The following SIPA1L3 variants were observed in gnomAD, a reference collection of about 807,000 sequenced individuals.
SIPA1L3 encodes signal-induced proliferation-associated 1-like protein 3.
A neutral mutation model predicts 150.1 loss-of-function variants in SIPA1L3; 59 were observed. The ratio of observed to expected loss-of-function variants is 0.39; its 90% CI spans 0.32 to 0.49. The LOEUF (loss-of-function observed/expected upper bound fraction) is 0.49. Ranked by LOEUF, SIPA1L3 falls within the 20% of genes least tolerant of loss-of-function variation. The probability of loss-of-function intolerance (pLI) is 0.86; values close to 1 mark genes in which losing one functional copy is unlikely to be tolerated. For missense variants in SIPA1L3, 2,211 were observed against 2,489.5 expected, an observed-to-expected ratio of 0.89 and a Z score of 2.38; for synonymous variants, 1,070 against 1,077.6, an observed-to-expected ratio of 0.99 and a Z score of 0.14.
At chr19:38,181,134 T>C (rs1972546517) in intron 15 of SIPA1L3, among the ~76,000 whole-genome samples, 1 of 152,206 alleles carries the variant, frequency 6.6e-6, no homozygotes, top group African/African-American at 2.4e-5. Flanking sequence ...ATTTCCTCTG[T>C]TCTTCCCTAA....
At chr19:37,915,740 A>C (rs1390552990) in intron 1 of SIPA1L3, among the ~76,000 whole-genome samples, 4 of 152,180 alleles carry the variant, frequency 2.6e-5, no homozygotes, top group Non-Finnish European at 5.9e-5. Flanking sequence ...ACTATAGCCC[A>C]TCAACTAAGA....
At position 38,081,778 on chromosome 19, in the gene SIPA1L3, T is replaced by G. The variant is rs746533364; in HGVS notation, c.213T>G (p.Thr71=). The change falls in exon 3 of 22, where the codon ACT becomes ACG. Residue 71 remains threonine (T), a synonymous_variant. Transcript: ENST00000222345. ...CCACCACCCGCCCCAGCCCCACCACTCCCGCAATGCCCAAGATGGGCGTGC... is the reference window on the plus strand; with the variant it reads ...CCACCACCCGCCCCAGCCCCACCACGCCCGCAATGCCCAAGATGGGCGTGC... ...ATATTRPSPT[T]PAMPKMGVRA... 2.2e-6 allele frequency: 3 copies of G among 1,377,216 alleles called. No individual in the cohort carries two copies. The African/African-American group carries it at 4.5e-5, about 21-fold the overall frequency. The allele number at this position is 1,377,216 out of a possible 1,614,324, so 85.3% of individuals were successfully genotyped here. A position where few individuals can be genotyped will look rare whatever the true frequency, so the allele number is the denominator to read the frequency against.
chr19:38,101,867 G>A (rs895181360), intron 6 of SIPA1L3, among the ~76,000 whole-genome samples: 15 of 152,094 alleles, frequency 9.9e-5, no homozygotes, highest in African/African-American at 3.1e-4. Flanking sequence ...CCGGCACCTC[G>A]GTGCACCCAG....
At chr19:38,134,266 G>A (rs994299083) in intron 10 of SIPA1L3, among the ~76,000 whole-genome samples, 4 of 151,336 alleles carry the variant, frequency 2.6e-5, no homozygotes, top group African/African-American at 7.3e-5. Flanking sequence ...TTACAGGCAT[G>A]AGCCACTGCA....
chr19:38,055,738 T>C (rs1969301057), intron 2 of SIPA1L3, among the ~76,000 whole-genome samples: 1 of 152,244 alleles, frequency 6.6e-6, no homozygotes, highest in African/African-American at 2.4e-5. Context: ...CGGGCCTGAC[T>C]TCTGGTTTGT....
chr19:38,019,238 C>G (rs1339745181), intron 1 of SIPA1L3, among the ~76,000 whole-genome samples: 1 of 152,204 alleles, frequency 6.6e-6, no homozygotes, highest in African/African-American at 2.4e-5. Flanking sequence ...GATAGGCAGT[C>G]CGTGCCTGGT....
intron 12 of SIPA1L3, among the ~76,000 whole-genome samples, chr19:38,151,894 G>A (rs1052014577): frequency 3.3e-5 from 5 of 150,986 alleles, no homozygotes; most frequent in African/African-American, 9.7e-5. Flanking sequence ...GCCGGGAGGC[G>A]GAGGTTGCAG....
At chr19:37,951,101 C>T (rs902254285) in intron 1 of SIPA1L3, among the ~76,000 whole-genome samples, 1 of 152,224 alleles carries the variant, frequency 6.6e-6, no homozygotes, top group African/African-American at 2.4e-5. Flanking sequence ...TATTATTTAC[C>T]CCAGGCACTG....
chr19:37,935,547 G>T (rs918343857), intron 1 of SIPA1L3, among the ~76,000 whole-genome samples: 7 of 152,198 alleles, frequency 4.6e-5, no homozygotes, highest in Non-Finnish European at 8.8e-5. Flanking sequence ...GTTGACTGGG[G>T]CTCAGCAGGA....
intron 1 of SIPA1L3, among the ~76,000 whole-genome samples, chr19:37,938,271 T>C (rs542553603): frequency 1.3e-5 from 2 of 152,354 alleles, no homozygotes; most frequent in Non-Finnish European, 2.9e-5. Flanking sequence ...GTTCACAGGC[T>C]GCTGTGAATA....
intron 21 of SIPA1L3, among the ~76,000 whole-genome samples, chr19:38,204,893 G>A (rs1345742433): frequency 6.6e-6 from 1 of 152,220 alleles, no homozygotes; most frequent in Non-Finnish European, 1.5e-5. Context: ...AAAAATTGGA[G>A]CCAGCGTGGC....
At chr19:38,105,554 A>G (rs1164908268) in intron 6 of SIPA1L3, among the ~76,000 whole-genome samples, 1 of 152,140 alleles carries the variant, frequency 6.6e-6, no homozygotes, top group African/African-American at 2.4e-5. Context: ...GAGAGAACTC[A>G]TATCCTGATG....
At chr19:37,989,030 GC>G (rs1486290369) in intron 1 of SIPA1L3, among the ~76,000 whole-genome samples, 2 of 152,170 alleles carry the variant, frequency 1.3e-5, no homozygotes, top group Non-Finnish European at 2.9e-5. Context: ...TGCAATATAA[GC>G]CCTGTTAGAG....
chr19:37,933,529 C>A (rs1407421938), intron 1 of SIPA1L3, among the ~76,000 whole-genome samples: 1 of 152,226 alleles, frequency 6.6e-6, no homozygotes, highest in Non-Finnish European at 1.5e-5. Flanking sequence ...TAGAACCGTT[C>A]CTGGCACGTG....
intron 1 of SIPA1L3, among the ~76,000 whole-genome samples, chr19:37,952,901 C>T (rs190644959): frequency 1.9e-4 from 29 of 152,188 alleles, no homozygotes; most frequent in African/African-American, 6.7e-4. Flanking sequence ...GAACACCATC[C>T]TGGGTGATTG....
chr19:37,943,798 A>T (rs556528706), intron 1 of SIPA1L3, among the ~76,000 whole-genome samples: 32 of 151,888 alleles, frequency 2.1e-4, no homozygotes, highest in African/African-American at 7.0e-4. Flanking sequence ...AAGAGGTGTG[A>T]CCTCCTTCTC....
At chr19:38,128,027 G>A (rs1225738332) in intron 9 of SIPA1L3, among the ~76,000 whole-genome samples, 3 of 145,144 alleles carry the variant, frequency 2.1e-5, no homozygotes, top group Non-Finnish European at 4.5e-5. Flanking sequence ...TGGAAGAGGT[G>A]AACAAGTTCC....
intron 2 of SIPA1L3, among the ~76,000 whole-genome samples, chr19:38,041,932 A>C (rs917177762): frequency 1.3e-5 from 2 of 152,222 alleles, no homozygotes; most frequent in African/African-American, 2.4e-5. Flanking sequence ...AGAGTTCTCC[A>C]TAAATTTTGA....
chr19:38,196,184 C>G (rs1472900240), intron 18 of SIPA1L3, among the ~76,000 whole-genome samples: 1 of 152,218 alleles, frequency 6.6e-6, no homozygotes, highest in Non-Finnish European at 1.5e-5. Flanking sequence ...ACCAAGTGCC[C>G]TCCACACCAA....
Sources: gnomAD v4.1 joint callset for allele counts (sites outside exome capture counted in the v4.1 genomes callset) on GRCh38, gnomAD v4.1.1 for gene constraint, MANE v1.5 for transcripts, NCBI Gene and HGNC (gene_info 2026-07-23, HGNC 2026-07-21) for gene names.